Variants in JAZF1 observed in about 807,000 individuals in gnomAD.
The protein encoded by JAZF1 is juxtaposed with another zinc finger protein 1.
Under a neutral mutation model 26.4 loss-of-function variants are expected in JAZF1, and 8 were observed. The observed-to-expected ratio is 0.30, with a 90% CI of 0.18 to 0.55. JAZF1 has a LOEUF of 0.55. JAZF1 is among the 20% of genes least tolerant of loss of function. The pLI, the probability that JAZF1 is intolerant of heterozygous loss-of-function variation, is 0.94. For missense variants in JAZF1, 199 were observed against 322.0 expected, an observed-to-expected ratio of 0.62 and a Z score of 2.92; for synonymous variants, 126 against 122.3, an observed-to-expected ratio of 1.03 and a Z score of -0.20.
chr7:28,165,711 C>G (rs990178260), intron 1 of JAZF1, among the ~76,000 whole-genome samples: 2 of 152,210 alleles, frequency 1.3e-5, no homozygotes, highest in African/African-American at 4.8e-5. Context: ...CATTCAGACC[C>G]CTTCTGAAAT....
chr7:27,969,475 T>C (rs61648985), intron 2 of JAZF1, among the ~76,000 whole-genome samples: 11,629 of 152,028 alleles, frequency 0.076, 552 homozygotes, highest in African/African-American at 0.14. Context: ...ACATCACGTT[T>C]ATGGCCTTAG....
intron 2 of JAZF1, among the ~76,000 whole-genome samples, chr7:27,966,767 G>A (rs1310195443): frequency 2.0e-5 from 3 of 152,258 alleles, no homozygotes; most frequent in South Asian, 2.1e-4. Context: ...AACTCTCAAG[G>A]GGTAATTTTT....
chr7:28,101,869 C>T (rs756512255), intron 1 of JAZF1, among the ~76,000 whole-genome samples: 5 of 152,026 alleles, frequency 3.3e-5, no homozygotes, highest in Admixed American at 1.3e-4. Flanking sequence ...GACGGAAATG[C>T]CATTTTTTTT....
At chr7:28,180,432 T>A in intron 1 of JAZF1, 31 bp downstream of exon 1, 1 of 1,522,854 alleles carries the variant, frequency 6.6e-7, no homozygotes, top group South Asian at 1.1e-5. Flanking sequence ...TCCGCGCGCC[T>A]GGCACCCCCG....
At chr7:27,982,715 G>A (rs1013538457) in intron 2 of JAZF1, among the ~76,000 whole-genome samples, 3 of 152,084 alleles carry the variant, frequency 2.0e-5, no homozygotes, top group Non-Finnish European at 4.4e-5. Flanking sequence ...GGGGCCAAGT[G>A]ACACCTCATA....
chr7:27,900,974 C>G (rs1562523710), intron 2 of JAZF1, among the ~76,000 whole-genome samples: 1 of 143,394 alleles, frequency 7.0e-6, no homozygotes, highest in East Asian at 2.0e-4. Flanking sequence ...TGTGTAAAAA[C>G]TTTTTTTTTT....
Position 28,102,611 on chromosome 7 carries a change from T to C in JAZF1, c.115+77852A>G, listed in dbSNP as rs148411962. The stretch of plus-strand genomic sequence containing the variant: ...AATTCATTTTTTGAAAAAAAATGTC[T>C]GCATATGTGGTTGAAAAAAAGTCTG... On this transcript the variant is annotated intron_variant, in intron 1 of 4. Transcript: ENST00000283928. Among the ~76,000 whole-genome samples the C allele has an allele frequency of 6.3e-3, 963 of 152,084 alleles. 13 individuals are homozygous for C. The highest frequency in any genetic ancestry group is 0.022 in the African/African-American group (908 of 41,466).
In JAZF1 at chr7:27,973,042, C is replaced by CTA. The variant is rs566579083; in HGVS notation, c.188+18865_188+18866dup. On this transcript the variant is annotated intron_variant, in intron 2 of 4. Transcript: ENST00000283928. Reference sequence around the variant, plus strand: ...TAAAAAATGTTACAACCAATTAGAGCTATATATATGCATATCTCCATACAG... The same window carrying CTA: ...TAAAAAATGTTACAACCAATTAGAGCTATATATATATGCATATCTCCATACAG... Among the ~76,000 whole-genome samples the CTA allele has an allele frequency of 3.4e-4, 52 of 150,782 alleles. No homozygotes were observed. In the East Asian group the frequency reaches 6.1e-3, roughly 18 times the overall value.
chr7:28,101,081 G>A (rs1295616896), intron 1 of JAZF1, among the ~76,000 whole-genome samples: 1 of 152,182 alleles, frequency 6.6e-6, no homozygotes, highest in Non-Finnish European at 1.5e-5. Context: ...GAACTGCTTT[G>A]AAGCATATTT....
At chr7:27,920,759 C>T (rs1460942763) in intron 2 of JAZF1, among the ~76,000 whole-genome samples, 2 of 151,980 alleles carry the variant, frequency 1.3e-5, no homozygotes, top group Non-Finnish European at 2.9e-5. Flanking sequence ...ATATCACCTG[C>T]TAAGATAAAT....
chr7:28,056,025 C>G (rs1376720140), intron 1 of JAZF1, among the ~76,000 whole-genome samples: 1 of 152,176 alleles, frequency 6.6e-6, no homozygotes, highest in Non-Finnish European at 1.5e-5. Context: ...AGCCTGTTCT[C>G]TCTTTCTGCT....
chr7:27,879,457 A>G (rs1018959027), intron 3 of JAZF1, among the ~76,000 whole-genome samples: 1 of 152,230 alleles, frequency 6.6e-6, no homozygotes, highest in Non-Finnish European at 1.5e-5. Flanking sequence ...ATGACTTCTT[A>G]TAAGACAACA....
Position 27,937,530 on chromosome 7 carries a change from A to T in JAZF1, c.189-42114T>A, listed in dbSNP as rs1295516869. Among the ~76,000 whole-genome samples, 3 of 152,190 alleles carry T rather than the reference A, an allele frequency of 2.0e-5. No homozygotes were observed. The East Asian group carries it at 5.8e-4, about 29-fold the overall frequency. On this transcript the variant is annotated intron_variant, in intron 2 of 4. Coordinates refer to ENST00000283928, the MANE Select transcript of JAZF1 (RefSeq NM_175061.4). ...TTTGCTTATAGATAACCAAAATATGATCCTCTCCTTTAAGAGCATATGTGC... is the reference window on the plus strand; with the variant it reads ...TTTGCTTATAGATAACCAAAATATGTTCCTCTCCTTTAAGAGCATATGTGC...
chr7:28,001,476 CT>C (rs1786161121), intron 1 of JAZF1, among the ~76,000 whole-genome samples: 2 of 152,176 alleles, frequency 1.3e-5, no homozygotes, highest in African/African-American at 2.4e-5. Context: ...CAAAACATGA[CT>C]CTCTGTGCAA....
chr7:27,992,792 T>C (rs759147365), intron 1 of JAZF1, among the ~76,000 whole-genome samples: 5 of 152,244 alleles, frequency 3.3e-5, no homozygotes, highest in Non-Finnish European at 5.9e-5. Flanking sequence ...AAAAGGTTCA[T>C]AGATTTCACA....
At chr7:27,935,236 C>G (rs912602430) in intron 2 of JAZF1, among the ~76,000 whole-genome samples, 1 of 152,156 alleles carries the variant, frequency 6.6e-6, no homozygotes, top group Non-Finnish European at 1.5e-5. Context: ...GAATCGTCAC[C>G]TATTGTTGGT....
intron 1 of JAZF1, among the ~76,000 whole-genome samples, chr7:28,174,813 GGTGTGTGGGTGTGTGTGT>G (rs1420228557): frequency 2.0e-5 from 1 of 50,676 alleles, no homozygotes. Context: ...CTGCCTATGG[GGTGTGTGGGTGTGTGTGT>G]GTGTGTGTGT....
intron 1 of JAZF1, among the ~76,000 whole-genome samples, chr7:28,013,098 A>G (rs1344556350): frequency 1.3e-5 from 2 of 152,078 alleles, no homozygotes; most frequent in Non-Finnish European, 2.9e-5. Context: ...GCTCCTTGCT[A>G]TAGCCCCAGT....
intron 2 of JAZF1, among the ~76,000 whole-genome samples, chr7:27,942,493 T>C (rs1455597643): frequency 6.6e-6 from 1 of 152,222 alleles, no homozygotes; most frequent in East Asian, 1.9e-4. Flanking sequence ...CCAGTCACCA[T>C]GGGGAGTGCT....
Sources: allele counts gnomAD v4.1 joint callset (sites outside exome capture counted in the v4.1 genomes callset), GRCh38; gene constraint gnomAD v4.1.1; transcripts MANE v1.5; gene names NCBI Gene and HGNC (gene_info 2026-07-23, HGNC 2026-07-21).